Variants in SUPT3H observed in about 807,000 individuals in gnomAD.
SUPT3H encodes the protein SPT3 homolog, SAGA and STAGA complex component.
In SUPT3H, 44 loss-of-function variants were observed where a neutral mutation model predicts 44.3. The observed-to-expected ratio is 0.99, with a 90% CI of 0.78 to 1.28. The LOEUF is 1.28. SUPT3H is among the 50% of genes most tolerant of loss of function. SUPT3H has a pLI of 0.00. For synonymous variants in SUPT3H, 124 were observed against 125.6 expected, an observed-to-expected ratio of 0.99 and a Z score of 0.09; for missense variants, 380 against 387.1, an observed-to-expected ratio of 0.98 and a Z score of 0.15.
chr6:45,117,211 A>G (rs1035225814), intron 2 of SUPT3H, among the ~76,000 whole-genome samples: 1 of 152,140 alleles, frequency 6.6e-6, no homozygotes, highest in Admixed American at 6.5e-5. Context: ...CCCTGTAGCA[A>G]AGAGATATCC....
downstream of SUPT3H, among the ~76,000 whole-genome samples, chr6:44,826,597 T>C (rs1375437593): frequency 1.3e-5 from 2 of 152,224 alleles, no homozygotes; most frequent in Non-Finnish European, 2.9e-5. Context: ...GATGAGAGAA[T>C]ATGTTCTCTT....
At chr6:45,333,154 T>G (rs576705913) in intron 2 of SUPT3H, among the ~76,000 whole-genome samples, 78 of 151,856 alleles carry the variant, frequency 5.1e-4, no homozygotes, top group African/African-American at 1.8e-3. Flanking sequence ...ATAATGAAAT[T>G]TTATGCCTTA....
chr6:44,888,143 T>C (rs4711800), intron 10 of SUPT3H, among the ~76,000 whole-genome samples: 141,494 of 152,184 alleles, frequency 0.93, 66,648 homozygotes, highest in South Asian at 1. Flanking sequence ...AACCAAAAAG[T>C]GTCCAGGACC....
At chr6:45,375,073 G>A (rs1429889871) in intron 1 of SUPT3H, among the ~76,000 whole-genome samples, 3 of 152,258 alleles carry the variant, frequency 2.0e-5, no homozygotes, top group South Asian at 2.1e-4. Context: ...CAGGCATGCT[G>A]GCATGTGCCT....
At chr6:45,219,773 G>A (rs1350553698) in intron 2 of SUPT3H, among the ~76,000 whole-genome samples, 1 of 152,096 alleles carries the variant, frequency 6.6e-6, no homozygotes, top group African/African-American at 2.4e-5. Flanking sequence ...AGGCGCAGCA[G>A]CTCACGCCTG....
At chr6:45,340,910 G>A (rs1789649759) in intron 2 of SUPT3H, among the ~76,000 whole-genome samples, 1 of 151,786 alleles carries the variant, frequency 6.6e-6, no homozygotes, top group African/African-American at 2.4e-5. Flanking sequence ...CTTATACTAT[G>A]GTCTCATAGC....
intron 2 of SUPT3H, among the ~76,000 whole-genome samples, chr6:45,208,723 CAAAA>C (rs34279438): frequency 1.0e-5 from 1 of 96,792 alleles, no homozygotes. Flanking sequence ...GACTCTGTCT[CAAAA>C]AAAAAAAAAA....
chr6:45,169,201 T>C (rs1466271911), intron 2 of SUPT3H, among the ~76,000 whole-genome samples: 1 of 152,188 alleles, frequency 6.6e-6, no homozygotes, highest in Admixed American at 6.5e-5. Flanking sequence ...AAGCCAAAAT[T>C]AGTGGTATAA....
intron 2 of SUPT3H, among the ~76,000 whole-genome samples, chr6:45,178,779 G>A (rs188812355): frequency 6.6e-6 from 1 of 152,110 alleles, no homozygotes; most frequent in African/African-American, 2.4e-5. Context: ...AAGCGCTCAA[G>A]TACATGGAAA....
At chr6:44,949,237 T>C (rs1044502837) in intron 9 of SUPT3H, among the ~76,000 whole-genome samples, 12 of 151,194 alleles carry the variant, frequency 7.9e-5, no homozygotes, top group African/African-American at 2.2e-4. Flanking sequence ...CCAGGGCCCG[T>C]TGTGGGGTGG....
intron 2 of SUPT3H, among the ~76,000 whole-genome samples, chr6:45,180,998 C>A (rs977576058): frequency 1.3e-5 from 2 of 151,000 alleles, no homozygotes; most frequent in Non-Finnish European, 2.9e-5. Flanking sequence ...CCAGAATCTA[C>A]AATGAACTCA....
intron 2 of SUPT3H, among the ~76,000 whole-genome samples, chr6:45,200,434 T>C (rs1348544219): frequency 4.0e-5 from 6 of 151,522 alleles, no homozygotes; most frequent in Admixed American, 1.3e-4. Context: ...GTCTAAAGTA[T>C]ATCCCATTTT....
intron 2 of SUPT3H, among the ~76,000 whole-genome samples, chr6:45,357,647 T>C (rs1738175784): frequency 6.6e-6 from 1 of 152,140 alleles, no homozygotes; most frequent in African/African-American, 2.4e-5. Flanking sequence ...TAAAGATTAA[T>C]TTTGAAGCTG....
At chr6:45,027,816 T>C (rs1786265266) in intron 3 of SUPT3H, among the ~76,000 whole-genome samples, 1 of 152,230 alleles carries the variant, frequency 6.6e-6, no homozygotes, top group Non-Finnish European at 1.5e-5. Flanking sequence ...TACAGAATTC[T>C]AGATTAAAAA....
intron 6 of SUPT3H, among the ~76,000 whole-genome samples, chr6:44,966,931 G>C (rs1776860789): frequency 6.6e-6 from 1 of 152,104 alleles, no homozygotes; most frequent in African/African-American, 2.4e-5. Flanking sequence ...TGAATGTAAG[G>C]TCATCTTTGG....
chr6:45,302,649 G>C (rs181447939), intron 2 of SUPT3H, among the ~76,000 whole-genome samples: 5 of 151,246 alleles, frequency 3.3e-5, no homozygotes, highest in Non-Finnish European at 7.4e-5. Flanking sequence ...CTGTAAACAT[G>C]TGTGTGCAAC....
At chr6:45,298,170 T>C (rs1423275012) in intron 2 of SUPT3H, among the ~76,000 whole-genome samples, 1 of 152,106 alleles carries the variant, frequency 6.6e-6, no homozygotes, top group African/African-American at 2.4e-5. Flanking sequence ...TGATCATGAC[T>C]TCAGAAAGTA....
chr6:45,059,661 A>T (rs1033080344), intron 3 of SUPT3H, among the ~76,000 whole-genome samples: 1 of 152,164 alleles, frequency 6.6e-6, no homozygotes, highest in Non-Finnish European at 1.5e-5. Flanking sequence ...TTGTTTGCAG[A>T]TGACATAATC....
chr6:45,182,118 C>T (rs1286034681), intron 2 of SUPT3H, among the ~76,000 whole-genome samples: 1 of 152,068 alleles, frequency 6.6e-6, no homozygotes, highest in Non-Finnish European at 1.5e-5. Context: ...TCTTCAAAAG[C>T]TATTCATAAT....
Sources: allele counts gnomAD v4.1 joint callset (sites outside exome capture counted in the v4.1 genomes callset), GRCh38; gene constraint gnomAD v4.1.1; transcripts MANE v1.5; gene names NCBI Gene and HGNC (gene_info 2026-07-23, HGNC 2026-07-21).